DNER: variants seen among roughly 807,000 people sequenced by gnomAD.
DNER encodes the protein delta and Notch-like epidermal growth factor-related receptor.
A neutral mutation model predicts 78.2 loss-of-function variants in DNER; 33 were observed. That is an observed-to-expected ratio of 0.42 (90% CI 0.32 to 0.56). The LOEUF (loss-of-function observed/expected upper bound fraction) is 0.56. DNER is among the 20% of genes least tolerant of loss of function. The probability of loss-of-function intolerance (pLI) is 0.11; values close to 1 mark genes in which losing one functional copy is unlikely to be tolerated. For missense variants in DNER, 918 were observed against 975.3 expected (o/e 0.94, Z 0.78); for synonymous variants, 417 against 384.8 (o/e 1.08, Z -0.98).
chr2:229,474,482 C>G (rs1694991362), intron 7 of DNER, among the ~76,000 whole-genome samples: 1 of 152,142 alleles, frequency 6.6e-6, no homozygotes, highest in Non-Finnish European at 1.5e-5. Flanking sequence ...AATTCCAGAG[C>G]CTCGCATTTT....
At chr2:229,521,383 A>C (rs1696095241) in intron 5 of DNER, among the ~76,000 whole-genome samples, 2 of 152,194 alleles carry the variant, frequency 1.3e-5, no homozygotes, top group Non-Finnish European at 2.9e-5. Context: ...ACTGAGCCTG[A>C]ATCTGTGCAG....
intron 7 of DNER, among the ~76,000 whole-genome samples, chr2:229,462,699 T>C (rs1336766271): frequency 1.3e-5 from 2 of 152,138 alleles, no homozygotes; most frequent in Non-Finnish European, 2.9e-5. Flanking sequence ...AAAATGTTAA[T>C]ATTATCATGA....
intron 12 of DNER, among the ~76,000 whole-genome samples, chr2:229,364,568 T>C (rs995171253): frequency 6.6e-6 from 1 of 152,072 alleles, no homozygotes; most frequent in Non-Finnish European, 1.5e-5. Flanking sequence ...AGGGTTGAGT[T>C]CTCTGTCCTC....
intron 7 of DNER, among the ~76,000 whole-genome samples, chr2:229,453,710 A>G (rs1574850060): frequency 6.6e-6 from 1 of 152,088 alleles, no homozygotes; most frequent in East Asian, 1.9e-4. Flanking sequence ...TGCCTCCTCC[A>G]TAAGTGGTCT....
At chr2:229,443,277 C>T (rs79769491) in intron 8 of DNER, among the ~76,000 whole-genome samples, 129 of 152,208 alleles carry the variant, frequency 8.5e-4, no homozygotes, top group Middle Eastern at 3.4e-3. Flanking sequence ...CTTCCAATAC[C>T]GGTCATGTAC....
chr2:229,545,250 G>A (rs116164862), intron 5 of DNER, among the ~76,000 whole-genome samples: 2,884 of 152,166 alleles, frequency 0.019, 80 homozygotes, highest in African/African-American at 0.058. Context: ...AGATCTTCAG[G>A]TGGACCCTGG....
chr2:229,613,862 A>T (rs1324814395), intron 1 of DNER, among the ~76,000 whole-genome samples: 1 of 152,146 alleles, frequency 6.6e-6, no homozygotes, highest in South Asian at 2.1e-4. Flanking sequence ...GCCACCCTTC[A>T]TAACTGTTGA....
chr2:229,402,777 G>A (rs1559342198), intron 10 of DNER, among the ~76,000 whole-genome samples: 1 of 152,168 alleles, frequency 6.6e-6, no homozygotes, highest in Non-Finnish European at 1.5e-5. Flanking sequence ...CCATCCACTG[G>A]TCCTCAGCCA....
intron 1 of DNER, among the ~76,000 whole-genome samples, chr2:229,640,348 T>C (rs1399616968): frequency 2.0e-5 from 3 of 152,208 alleles, no homozygotes; most frequent in African/African-American, 7.2e-5. Flanking sequence ...AGGATTAGTA[T>C]AGAAATGTGC....
chr2:229,372,422 C>G (rs775612170), intron 11 of DNER, among the ~76,000 whole-genome samples: 1 of 152,136 alleles, frequency 6.6e-6, no homozygotes, highest in Non-Finnish European at 1.5e-5. Context: ...AGAGGGGAGA[C>G]TGCACAGGCA....
At chr2:229,673,509 C>T (rs1699247083) in intron 1 of DNER, among the ~76,000 whole-genome samples, 1 of 152,192 alleles carries the variant, frequency 6.6e-6, no homozygotes, top group Non-Finnish European at 1.5e-5. Flanking sequence ...GAATCATTAG[C>T]TCCCTTCTCC....
At chr2:229,451,921 G>A (rs796163183) in intron 7 of DNER, among the ~76,000 whole-genome samples, 8 of 152,262 alleles carry the variant, frequency 5.3e-5, no homozygotes, top group African/African-American at 1.9e-4. Context: ...AGTAATATAA[G>A]CCACACAGAA....
chr2:229,567,853 T>C (rs1034364064), intron 4 of DNER, among the ~76,000 whole-genome samples: 3 of 152,222 alleles, frequency 2.0e-5, no homozygotes, highest in Admixed American at 2.0e-4. Flanking sequence ...CCAGAACAGA[T>C]TTTATTTATG....
intron 1 of DNER, among the ~76,000 whole-genome samples, chr2:229,610,761 C>G (rs1286505319): frequency 6.6e-6 from 1 of 152,210 alleles, no homozygotes; most frequent in African/African-American, 2.4e-5. Context: ...ACTTATGCAT[C>G]TTAAAGAACC....
intron 4 of DNER, among the ~76,000 whole-genome samples, chr2:229,555,154 G>T (rs1696834092): frequency 6.6e-6 from 1 of 152,136 alleles, no homozygotes; most frequent in Non-Finnish European, 1.5e-5. Context: ...AGGCACCACA[G>T]GTCTGATGCA....
chr2:229,502,798 T>A (rs1424399086), intron 6 of DNER, among the ~76,000 whole-genome samples: 1 of 152,210 alleles, frequency 6.6e-6, no homozygotes, highest in Non-Finnish European at 1.5e-5. Context: ...GAAACAATGG[T>A]TGCCTGAAAT....
intron 1 of DNER, among the ~76,000 whole-genome samples, chr2:229,694,862 G>A (rs1699637190): frequency 1.3e-5 from 2 of 152,206 alleles, no homozygotes; most frequent in Non-Finnish European, 2.9e-5. Context: ...GGACTGTTGG[G>A]AAGGCATGAT....
At chr2:229,701,990 C>A in intron 1 of DNER, 1 of 192,746 alleles carries the variant, frequency 5.2e-6, no homozygotes, top group East Asian at 1.5e-4. Flanking sequence ...AATGTGCATT[C>A]ATCTACTGCC....
At chr2:229,559,276 T>C (rs1696912018) in intron 4 of DNER, among the ~76,000 whole-genome samples, 1 of 152,060 alleles carries the variant, frequency 6.6e-6, no homozygotes, top group African/African-American at 2.4e-5. Flanking sequence ...ACGGATGGTA[T>C]TAAAACCACT....
Sources: gnomAD v4.1 joint callset for allele counts (sites outside exome capture counted in the v4.1 genomes callset) on GRCh38, gnomAD v4.1.1 for gene constraint, MANE v1.5 for transcripts, NCBI Gene and HGNC (gene_info 2026-07-23, HGNC 2026-07-21) for gene names.